Variants in NDUFA10 observed in about 807,000 individuals in gnomAD.
The protein encoded by NDUFA10 is NADH:ubiquinone oxidoreductase subunit A10.
A neutral mutation model predicts 47.8 loss-of-function variants in NDUFA10; 40 were observed. The observed-to-expected ratio is 0.84, with a 90% CI of 0.65 to 1.09. The LOEUF is 1.09. Ranked by LOEUF, NDUFA10 falls within the 50% of genes least tolerant of loss-of-function variation. The pLI, the probability that NDUFA10 is intolerant of heterozygous loss-of-function variation, is 0.00. For missense variants in NDUFA10, 413 were observed against 451.1 expected, an observed-to-expected ratio of 0.92 and a Z score of 0.76; for synonymous variants, 183 against 172.2, an observed-to-expected ratio of 1.06 and a Z score of -0.49.
chr2:239,910,579 G>A (rs1411362926), intron 4 of NDUFA10, among the ~76,000 whole-genome samples: 1 of 152,084 alleles, frequency 6.6e-6, no homozygotes, highest in Admixed American at 6.5e-5. Context: ...GTTGAGGAAG[G>A]GAGAGGATCA....
In NDUFA10 at chr2:239,958,933, T is replaced by C. The variant is rs1183454996; in HGVS notation, c.*2185A>G. ...AAATGCACGATTATTTTGATCCTGG[T>C]TTGTTGGTGCTGTTGTTTTAGTTGT... On this transcript the variant is annotated 3_prime_UTR_variant, in exon 10 of 10. Coordinates refer to ENST00000252711, the MANE Select transcript of NDUFA10 (RefSeq NM_004544.4). The C allele has an allele frequency of 2.0e-6, 2 of 985,110 alleles. No individual in the cohort carries two copies. Among genetic ancestry groups the C allele is most frequent in the East Asian group, 2.3e-4 (2 of 8,818 alleles). The allele number at this position is 985,110 out of a possible 1,614,324, so 61.0% of individuals were successfully genotyped here. A position where few individuals can be genotyped will look rare whatever the true frequency, so the allele number is the denominator to read the frequency against.
At chr2:239,914,448 C>G (rs765463929) in intron 4 of NDUFA10, among the ~76,000 whole-genome samples, 1 of 145,322 alleles carries the variant, frequency 6.9e-6, no homozygotes, top group Non-Finnish European at 1.5e-5. Context: ...CAGAGATACA[C>G]ACACAAACAT....
In NDUFA10 at chr2:239,987,113, A is replaced by G. The variant is rs145564109; in HGVS notation, c.999+2961T>C. ...ATTGGCTATTCTTGCTCAGAAGAAC[A>G]TGGCTAGGATAAATGACTGCTCATG... On this transcript the variant is annotated intron_variant, in intron 9 of 9. Coordinates refer to ENST00000252711, the MANE Select transcript of NDUFA10 (RefSeq NM_004544.4). The surrounding 1 kb of genome is among the most constrained non-coding windows in gnomAD (Gnocchi z 4.8). 7.9e-4 allele frequency among the ~76,000 whole-genome samples: 121 copies of G among 152,322 alleles called. 2 individuals are homozygous for G. In the South Asian group the frequency reaches 0.014, roughly 18 times the overall value.
chr2:239,952,122 C>A (rs1457165036), intron 4 of NDUFA10, among the ~76,000 whole-genome samples: 1 of 152,186 alleles, frequency 6.6e-6, no homozygotes, highest in Admixed American at 6.5e-5. Context: ...ATGTGCCACA[C>A]CTGCTCGCAG....
rs548259732 is a variant in NDUFA10, at chr2:240,022,637, G to A, written c.76-297C>T. Reference sequence around the variant, plus strand: ...CTATGTTCAATAAAAATTGGAGGGAGGGAGGGAGGGGTGGATGGATGGATG... The same window carrying A: ...CTATGTTCAATAAAAATTGGAGGGAAGGAGGGAGGGGTGGATGGATGGATG... On this transcript the variant is annotated intron_variant, in intron 1 of 9. Coordinates refer to ENST00000252711, the MANE Select transcript of NDUFA10 (RefSeq NM_004544.4). Among the ~76,000 whole-genome samples, 14 of 152,030 alleles carry A rather than the reference G, an allele frequency of 9.2e-5. No homozygotes were observed. The South Asian group carries it at 2.9e-3, about 32-fold the overall frequency.
In NDUFA10 at chr2:239,990,086, A is replaced by G. The variant is rs1696180904; in HGVS notation, c.987T>C (p.His329=). The stretch of plus-strand genomic sequence containing the variant: ...TCCACAGTCTTACCTCTCTGAACTG[A>G]TGTAAGACACGGTCAGTCTGATGAG... ...IGAHQTDRVL[H]QFRELPGRKY... is the part of the protein sequence containing the mutation. The change falls in exon 9 of 10, where the codon CAT becomes CAC. Residue 329 remains histidine (H), a synonymous_variant. Transcript: ENST00000252711. The G allele has an allele frequency of 6.2e-7, 1 of 1,609,398 alleles. No individual in the cohort carries two copies. The highest frequency in any genetic ancestry group is 2.2e-5 in the East Asian group (1 of 44,856).
chr2:240,015,487 G>A (rs3792083), intron 4 of NDUFA10, among the ~76,000 whole-genome samples: 111,853 of 152,254 alleles, frequency 0.73, 41,293 homozygotes, highest in African/African-American at 0.79. Context: ...TCATCAAGCT[G>A]CATTTATCCC....
intron 8 of NDUFA10, among the ~76,000 whole-genome samples, chr2:239,998,847 CCA>C (rs1450594962): frequency 2.6e-5 from 4 of 152,212 alleles, no homozygotes; most frequent in African/African-American, 4.8e-5. Context: ...ATGGATTTCT[CCA>C]GAGTCCAACA....
rs757191212 is a variant in NDUFA10 at position 240,014,805 on chromosome 2, G to A, written c.603C>T (p.Pro201=). Residue 201 remains proline (P), a synonymous_variant, in exon 5 of 10, where the codon CCC becomes CCT. Transcript: ENST00000252711. ...KSVTICDYLP[P]HLVIYIDVPV... is the part of the protein sequence containing the mutation. ...GCACATCGATGTAAATCACCAGGTG[G>A]GGGGGCAGGTAATCGCAGATGGTGA... 7.4e-6 allele frequency: 12 copies of A among 1,614,020 alleles called. No individual in the cohort carries two copies. In the African/African-American group the frequency reaches 1.5e-4, roughly 20 times the overall value.
chr2:239,944,050 C>T (rs528435733), intron 4 of NDUFA10, among the ~76,000 whole-genome samples: 2 of 152,312 alleles, frequency 1.3e-5, no homozygotes, highest in South Asian at 2.1e-4. Context: ...TAAGGGCCTG[C>T]GGCCACCTGG....
intron 9 of NDUFA10, among the ~76,000 whole-genome samples, chr2:239,966,278 G>A (rs1250306972): frequency 6.6e-6 from 1 of 152,214 alleles, no homozygotes. Context: ...ACAGGGGGCT[G>A]GGCTGGAAAT....
chr2:239,908,669 T>C (rs1693697914), intron 4 of NDUFA10, among the ~76,000 whole-genome samples: 1 of 152,084 alleles, frequency 6.6e-6, no homozygotes, highest in Non-Finnish European at 1.5e-5. Flanking sequence ...GACAAGAAAA[T>C]GGGATAAACT....
At chr2:239,895,179 C>A (rs1693368863) in intron 5 of NDUFA10, 2 of 429,210 alleles carry the variant, frequency 4.7e-6, no homozygotes, top group Non-Finnish European at 4.9e-6. Flanking sequence ...AGGATGCCTG[C>A]CAGGCCTCTG....
chr2:240,008,497 G>A (rs1697025825), intron 6 of NDUFA10, among the ~76,000 whole-genome samples: 1 of 152,224 alleles, frequency 6.6e-6, no homozygotes, highest in African/African-American at 2.4e-5. Flanking sequence ...AGTGACAAAG[G>A]AGAATAATTC....
At chr2:239,952,298 G>C (rs565257848) in intron 4 of NDUFA10, among the ~76,000 whole-genome samples, 16 of 151,486 alleles carry the variant, frequency 1.1e-4, no homozygotes, top group Non-Finnish European at 1.3e-4. Flanking sequence ...AGGCAGAGTG[G>C]GGAGGGGGGC....
In NDUFA10 at chr2:240,018,497, C is replaced by T. The variant is rs115792321; in HGVS notation, c.547+56G>A. On this transcript the variant is annotated intron_variant, in intron 4 of 9. Coordinates refer to ENST00000252711, the MANE Select transcript of NDUFA10 (RefSeq NM_004544.4). Reference sequence around the variant, plus strand: ...CAGTAAGTGCAAGGTGAGTCTATCACAGCCCTTGCAAAGTCGCACCACACA... The same window carrying T: ...CAGTAAGTGCAAGGTGAGTCTATCATAGCCCTTGCAAAGTCGCACCACACA... 2,052 of 1,614,052 alleles carry T rather than the reference C, an allele frequency of 1.3e-3. 25 individuals are homozygous for T. The African/African-American group carries it at 0.023, about 18-fold the overall frequency.
intron 9 of NDUFA10, among the ~76,000 whole-genome samples, chr2:239,980,227 G>A (rs1574842383): frequency 2.0e-5 from 3 of 152,336 alleles, no homozygotes; most frequent in South Asian, 4.1e-4. Flanking sequence ...TGCCTGGCAC[G>A]ATAAAGATCT....
At chr2:239,980,780 G>A (rs1472151795) in intron 9 of NDUFA10, among the ~76,000 whole-genome samples, 7 of 152,192 alleles carry the variant, frequency 4.6e-5, no homozygotes, top group African/African-American at 1.2e-4. Flanking sequence ...AGCTGAAGCC[G>A]CGGTGCCCTC....
intron 6 of NDUFA10, among the ~76,000 whole-genome samples, chr2:240,009,465 C>G (rs1697061606): frequency 6.6e-6 from 1 of 152,228 alleles, no homozygotes; most frequent in Non-Finnish European, 1.5e-5. Context: ...CGCCTAAGAT[C>G]TGGGTCATAA....
Sources: allele counts gnomAD v4.1 joint callset (sites outside exome capture counted in the v4.1 genomes callset), GRCh38; gene constraint gnomAD v4.1.1; non-coding constraint Gnocchi (gnomAD v3.1); transcripts MANE v1.5; gene names NCBI Gene and HGNC (gene_info 2026-07-23, HGNC 2026-07-21).